The following PKNOX2 variants were observed in gnomAD, a reference collection of about 807,000 sequenced individuals.
PKNOX2 encodes the protein homeobox protein PKNOX2.
In PKNOX2, 14 loss-of-function variants were observed where a neutral mutation model predicts 53.1. The ratio of observed to expected loss-of-function variants is 0.26; its 90% confidence interval spans 0.17 to 0.41. The LOEUF (loss-of-function observed/expected upper bound fraction) is 0.41. Ranked by LOEUF, PKNOX2 falls within the 10% of genes least tolerant of loss-of-function variation. PKNOX2 has a pLI of 1.00. For synonymous variants in PKNOX2, 257 were observed against 242.8 expected, an observed-to-expected ratio of 1.06 and a Z score of -0.54; for missense variants, 496 against 602.8, an observed-to-expected ratio of 0.82 and a Z score of 1.85.
At chr11:125,356,463 C>T (rs889760442) in intron 4 of PKNOX2, among the ~76,000 whole-genome samples, 3 of 152,224 alleles carry the variant, frequency 2.0e-5, no homozygotes, top group African/African-American at 4.8e-5. Flanking sequence ...AGGCTCACTT[C>T]GGAAGGAAGT....
At chr11:125,296,079 C>G (rs1018730594) in intron 2 of PKNOX2, among the ~76,000 whole-genome samples, 7 of 152,158 alleles carry the variant, frequency 4.6e-5, no homozygotes, top group African/African-American at 1.7e-4. Flanking sequence ...CCAGACTCAG[C>G]TTATTTCCTC....
intron 4 of PKNOX2, among the ~76,000 whole-genome samples, chr11:125,362,753 A>G (rs1371218356): frequency 6.6e-6 from 1 of 152,192 alleles, no homozygotes; most frequent in Non-Finnish European, 1.5e-5. Context: ...AACAGAAAAG[A>G]AGCATCTGTG....
At chr11:125,369,372 G>C (rs1952393198) in intron 5 of PKNOX2, among the ~76,000 whole-genome samples, 1 of 152,220 alleles carries the variant, frequency 6.6e-6, no homozygotes, top group Non-Finnish European at 1.5e-5. Context: ...GCCTCTCAGG[G>C]AGACTCTAAG....
At chr11:125,274,933 T>C (rs1316808286) in intron 2 of PKNOX2, among the ~76,000 whole-genome samples, 4 of 152,276 alleles carry the variant, frequency 2.6e-5, no homozygotes, top group Non-Finnish European at 5.9e-5. Flanking sequence ...CAGAGATAAG[T>C]AAGACAGCAC....
At chr11:125,171,677 TTCC>T (rs1459276822) in intron 1 of PKNOX2, among the ~76,000 whole-genome samples, 2 of 152,210 alleles carry the variant, frequency 1.3e-5, no homozygotes, top group Admixed American at 1.3e-4. Context: ...CCCTTTCCCT[TTCC>T]TTTTGCTTCC....
At chr11:125,334,197 C>G (rs1565499484) in intron 3 of PKNOX2, among the ~76,000 whole-genome samples, 2 of 152,192 alleles carry the variant, frequency 1.3e-5, no homozygotes, top group Non-Finnish European at 2.9e-5. Flanking sequence ...TAGGTCCTAG[C>G]CCATCTTCTT....
At chr11:125,345,976 T>C (rs763206305) in intron 3 of PKNOX2, among the ~76,000 whole-genome samples, 6 of 152,102 alleles carry the variant, frequency 3.9e-5, no homozygotes, top group African/African-American at 9.7e-5. Flanking sequence ...GAAGATCATT[T>C]TGGACGCGGC....
At chr11:125,192,229 T>G (rs749052105) in intron 1 of PKNOX2, among the ~76,000 whole-genome samples, 6 of 152,168 alleles carry the variant, frequency 3.9e-5, no homozygotes, top group Non-Finnish European at 8.8e-5. Context: ...ATCTCACTGA[T>G]GTGAGGAGGC....
intron 2 of PKNOX2, among the ~76,000 whole-genome samples, chr11:125,267,417 T>A (rs1945443083): frequency 6.6e-6 from 1 of 152,206 alleles, no homozygotes; most frequent in Admixed American, 6.5e-5. Context: ...AGGTGTTCCC[T>A]CTGCCTGGCT....
At chr11:125,266,536 A>C (rs1565483607) in intron 2 of PKNOX2, 1 of 152,172 alleles carries the variant, frequency 6.6e-6, no homozygotes, top group Non-Finnish European at 1.5e-5. Flanking sequence ...AATTTTTGTG[A>C]AAATAACTTT....
intron 7 of PKNOX2, 50 bp from the exon 8 acceptor site, chr11:125,410,146 G>T (rs1471720014): frequency 6.2e-7 from 1 of 1,607,262 alleles, no homozygotes; most frequent in Non-Finnish European, 8.5e-7. Flanking sequence ...GGGCTGTAGG[G>T]TCTAAGCTCT....
intron 6 of PKNOX2, among the ~76,000 whole-genome samples, chr11:125,388,952 T>C (rs1464236824): frequency 6.6e-6 from 1 of 152,166 alleles, no homozygotes; most frequent in East Asian, 1.9e-4. Context: ...CCCAGCACTT[T>C]GGGAGTCCAA....
chr11:125,410,595 G>T (rs1056333133), intron 8 of PKNOX2, 184 bp from the exon 9 acceptor site: 1 of 650,276 alleles, frequency 1.5e-6, no homozygotes, highest in East Asian at 2.7e-5. Flanking sequence ...CCCACCAGAG[G>T]CTCTGTCCTA....
At chr11:125,189,445 GTGTATATATATATATA>G (rs1374307144) in intron 1 of PKNOX2, among the ~76,000 whole-genome samples, 163 of 50,572 alleles carry the variant, frequency 3.2e-3, no homozygotes, top group East Asian at 0.019. Flanking sequence ...GTGTGTGTGT[GTGTATATATATATATA>G]TATATATATA....
At position 125,427,689 on chromosome 11, in the gene PKNOX2, C is replaced by A. The variant is rs570412295; in HGVS notation, c.937-1323C>A. Among the ~76,000 whole-genome samples, 18 of 152,254 alleles carry A rather than the reference C, an allele frequency of 1.2e-4. No homozygotes were observed. The South Asian group carries it at 3.3e-3, about 28-fold the overall frequency. On this transcript the variant is annotated intron_variant, in intron 10 of 12. Coordinates refer to ENST00000298282, the MANE Select transcript of PKNOX2 (RefSeq NM_001382323.2). The stretch of plus-strand genomic sequence containing the variant: ...CCCATCTCGGGGACCTTAGACAGCT[C>A]AAGCACCACTTTCTAATACCACTCC...
chr11:125,248,826 C>T (rs11219986), intron 2 of PKNOX2, among the ~76,000 whole-genome samples: 34,256 of 144,966 alleles, frequency 0.24, 5,115 homozygotes, highest in Non-Finnish European at 0.33. Context: ...CTTGAATTGC[C>T]CTCAAGTGAT....
At chr11:125,314,790 T>A (rs1219918231) in intron 2 of PKNOX2, among the ~76,000 whole-genome samples, 1 of 152,024 alleles carries the variant, frequency 6.6e-6, no homozygotes, top group Non-Finnish European at 1.5e-5. Flanking sequence ...CCGATGAGGA[T>A]GCTCCTTGGA....
chr11:125,256,883 T>C (rs1005207411), intron 2 of PKNOX2, among the ~76,000 whole-genome samples: 2 of 152,188 alleles, frequency 1.3e-5, no homozygotes, highest in Non-Finnish European at 2.9e-5. Context: ...GCTGCCAACA[T>C]CAAAGCTTTC....
chr11:125,212,677 C>T (rs1444086428), intron 1 of PKNOX2, among the ~76,000 whole-genome samples: 3 of 151,694 alleles, frequency 2.0e-5, no homozygotes, highest in Non-Finnish European at 4.4e-5. Context: ...TTTTTATATC[C>T]CTGGGCTGAT....
Sources: gnomAD v4.1 joint callset for allele counts (sites outside exome capture counted in the v4.1 genomes callset) on GRCh38, gnomAD v4.1.1 for gene constraint, MANE v1.5 for transcripts, NCBI Gene and HGNC (gene_info 2026-07-23, HGNC 2026-07-21) for gene names.